Variants in CTNND2 observed in about 807,000 individuals in gnomAD.
The protein encoded by CTNND2 is catenin delta 2, also known as catenin delta-2.
In CTNND2, 22 loss-of-function variants were observed where a neutral mutation model predicts 144.4. The ratio of observed to expected loss-of-function variants is 0.15; its 90% CI spans 0.11 to 0.22. CTNND2 has a LOEUF of 0.22. CTNND2 is among the 10% of genes least tolerant of loss of function. CTNND2 has a pLI of 1.00. For synonymous variants in CTNND2, 751 were observed against 695.6 expected (o/e 1.08, Z -1.25); for missense variants, 1,353 against 1,618.8 (o/e 0.84, Z 2.82).
intron 2 of CTNND2, among the ~76,000 whole-genome samples, chr5:11,686,406 G>A (rs923129496): frequency 1.3e-5 from 2 of 152,116 alleles, no homozygotes; most frequent in Non-Finnish European, 2.9e-5. Flanking sequence ...GCAGCACTAG[G>A]AAGGCAATCA....
intron 3 of CTNND2, among the ~76,000 whole-genome samples, chr5:11,507,709 G>A (rs192794327): frequency 7.1e-4 from 108 of 152,238 alleles, no homozygotes; most frequent in African/African-American, 2.6e-3. Flanking sequence ...GACAGCACAG[G>A]GTCCTGTCCC....
intron 20 of CTNND2, among the ~76,000 whole-genome samples, chr5:10,982,367 G>A (rs774922632): frequency 2.9e-4 from 44 of 152,250 alleles, no homozygotes; most frequent in Non-Finnish European, 5.6e-4. Context: ...GGAAGCCTGC[G>A]GCTTTGGAAT....
At chr5:11,052,871 G>A (rs961562185) in intron 16 of CTNND2, among the ~76,000 whole-genome samples, 3 of 151,996 alleles carry the variant, frequency 2.0e-5, no homozygotes, top group Admixed American at 1.3e-4. Context: ...ATAACACTTC[G>A]GGTTTGTATA....
At chr5:11,448,838 G>A (rs576751) in intron 3 of CTNND2, among the ~76,000 whole-genome samples, 19,584 of 151,642 alleles carry the variant, frequency 0.13, 4,079 homozygotes, top group African/African-American at 0.44. Context: ...CTGGCTTTTT[G>A]TGTTTTTTTT....
chr5:11,725,313 A>G (rs545914940), intron 2 of CTNND2, among the ~76,000 whole-genome samples: 2 of 152,362 alleles, frequency 1.3e-5, no homozygotes, highest in South Asian at 4.1e-4. Context: ...CTACAGATAC[A>G]ATTAACTAAA....
intron 2 of CTNND2, among the ~76,000 whole-genome samples, chr5:11,706,867 C>T (rs529924046): frequency 2.6e-5 from 4 of 151,962 alleles, no homozygotes; most frequent in East Asian, 1.9e-4. Flanking sequence ...GGGCGGATCA[C>T]GAGGTCAGGA....
chr5:11,651,815 G>T (rs1050784115), intron 2 of CTNND2, among the ~76,000 whole-genome samples: 31 of 152,194 alleles, frequency 2.0e-4, no homozygotes, highest in Non-Finnish European at 7.3e-5. Flanking sequence ...TTTTGGAATA[G>T]GGGTCTTTAC....
intron 2 of CTNND2, among the ~76,000 whole-genome samples, chr5:11,719,833 T>TAC (rs36223515): frequency 0.078 from 11,075 of 141,962 alleles, 389 homozygotes; most frequent in South Asian, 0.1. Flanking sequence ...CTCTGACATA[T>TAC]ACACACACAC....
At chr5:11,307,641 T>C (rs565962372) in intron 9 of CTNND2, among the ~76,000 whole-genome samples, 1 of 152,282 alleles carries the variant, frequency 6.6e-6, no homozygotes, top group African/African-American at 2.4e-5. Context: ...TAAGAAAAAC[T>C]TGGTTTCATA....
intron 1 of CTNND2, among the ~76,000 whole-genome samples, chr5:11,792,823 A>G (rs1347601685): frequency 1.3e-5 from 2 of 152,208 alleles, no homozygotes; most frequent in African/African-American, 4.8e-5. Flanking sequence ...CTCTTTCCCT[A>G]CGGAAGGCTT....
chr5:11,334,172 C>T (rs1351871317), intron 9 of CTNND2, among the ~76,000 whole-genome samples: 2 of 152,106 alleles, frequency 1.3e-5, no homozygotes, highest in African/African-American at 2.4e-5. Context: ...GCCAGGATTT[C>T]TTTTTCACAC....
chr5:11,800,533 G>A (rs1264155036), intron 1 of CTNND2, among the ~76,000 whole-genome samples: 1 of 152,064 alleles, frequency 6.6e-6, no homozygotes, highest in Non-Finnish European at 1.5e-5. Flanking sequence ...TTCACCATAG[G>A]TCAGACCTTT....
chr5:11,360,259 G>A (rs1756311770), intron 8 of CTNND2, among the ~76,000 whole-genome samples: 2 of 152,186 alleles, frequency 1.3e-5, no homozygotes, highest in Non-Finnish European at 2.9e-5. Context: ...AAAGCTAATT[G>A]AGAAATCCTC....
At chr5:11,057,929 C>T (rs1451670230) in intron 16 of CTNND2, among the ~76,000 whole-genome samples, 1 of 152,022 alleles carries the variant, frequency 6.6e-6, no homozygotes, top group African/African-American at 2.4e-5. Context: ...AGGAATTTGC[C>T]CCTGCCCTAG....
At chr5:11,473,500 A>C (rs1266979773) in intron 3 of CTNND2, among the ~76,000 whole-genome samples, 1 of 152,224 alleles carries the variant, frequency 6.6e-6, no homozygotes, top group Non-Finnish European at 1.5e-5. Context: ...CAGCATCATC[A>C]ATGGTTTCCA....
At chr5:11,514,159 T>C (rs1771924378) in intron 3 of CTNND2, among the ~76,000 whole-genome samples, 1 of 151,122 alleles carries the variant, frequency 6.6e-6, no homozygotes, top group African/African-American at 2.4e-5. Context: ...CATTGTAGCC[T>C]GGACAACACA....
chr5:11,159,460 A>G (rs1580449785), intron 12 of CTNND2, 116 bp downstream of exon 12: 4 of 838,638 alleles, frequency 4.8e-6, no homozygotes, highest in East Asian at 2.7e-5. Flanking sequence ...CCACATCAAC[A>G]TTCATGTTTT....
chr5:11,086,035 G>A (rs1580243605), intron 15 of CTNND2, among the ~76,000 whole-genome samples: 1 of 152,150 alleles, frequency 6.6e-6, no homozygotes, highest in Non-Finnish European at 1.5e-5. Context: ...AGTGTGGCAA[G>A]GGGTAGCTGC....
intron 16 of CTNND2, among the ~76,000 whole-genome samples, chr5:11,080,964 C>A (rs774161419): frequency 6.6e-5 from 10 of 152,020 alleles, no homozygotes; most frequent in Non-Finnish European, 1.5e-4. Flanking sequence ...GTAGTCCCAG[C>A]TACTCGAGAG....
Sources: allele counts gnomAD v4.1 joint callset (sites outside exome capture counted in the v4.1 genomes callset), GRCh38; gene constraint gnomAD v4.1.1; transcripts MANE v1.5; gene names NCBI Gene and HGNC (gene_info 2026-07-23, HGNC 2026-07-21).